The following APP variants were observed in gnomAD, a reference collection of about 807,000 sequenced individuals.
APP encodes amyloid beta precursor protein.
APP carries 31 observed loss-of-function variants against 101.4 expected under a neutral mutation model. That is an observed-to-expected ratio of 0.31 (90% confidence interval 0.23 to 0.41). The LOEUF (loss-of-function observed/expected upper bound fraction) is 0.41, where lower values mean the gene tolerates loss of function less well. Ranked by LOEUF, APP falls within the 10% of genes least tolerant of loss-of-function variation. The probability of loss-of-function intolerance (pLI) is 1.00; values close to 1 mark genes in which losing one functional copy is unlikely to be tolerated. For missense variants in APP, 839 were observed against 1,003.7 expected (o/e 0.84, Z 2.22); for synonymous variants, 366 against 364.4 (o/e 1.00, Z -0.05).
chr21:26,099,183 C>T (rs1031517751), intron 2 of APP, among the ~76,000 whole-genome samples: 2 of 151,002 alleles, frequency 1.3e-5, no homozygotes, highest in Non-Finnish European at 2.9e-5. Context: ...AAAAAAAAAC[C>T]CAGATCCAAA....
At chr21:25,937,351 T>G (rs1160433704) in intron 13 of APP, among the ~76,000 whole-genome samples, 3 of 152,240 alleles carry the variant, frequency 2.0e-5, no homozygotes, top group Non-Finnish European at 4.4e-5. Context: ...TTCTCAGGAT[T>G]CGCACCTGGA....
At chr21:25,941,413 A>G (rs1469163560) in intron 13 of APP, 2 of 152,272 alleles carry the variant, frequency 1.3e-5, no homozygotes, top group African/African-American at 2.4e-5. Context: ...TAAGAAAAAA[A>G]TACGCAAAAT....
In APP at chr21:26,105,626, A is replaced by G. The variant is rs145952271; in HGVS notation, c.225+6353T>C. On this transcript the variant is annotated intron_variant, in intron 2 of 17. Transcript: ENST00000346798. ...TTTCTAATTATAAAAGAAAAACACC[A>G]GAATAGCTACAATGTGGAAAGTGGC... Among the ~76,000 whole-genome samples the G allele has an allele frequency of 6.0e-3, 913 of 152,366 alleles. 5 individuals carry two copies. Among genetic ancestry groups the G allele is most frequent in the Non-Finnish European group, 0.01 (695 of 68,040 alleles).
intron 1 of APP, among the ~76,000 whole-genome samples, chr21:26,125,710 C>T (rs1163550442): frequency 6.6e-6 from 1 of 152,180 alleles, no homozygotes; most frequent in Admixed American, 6.5e-5. Flanking sequence ...ACAATCACTA[C>T]CTCCCTGATT....
chr21:25,980,286 G>A (rs545698471), intron 9 of APP, among the ~76,000 whole-genome samples: 5 of 152,264 alleles, frequency 3.3e-5, no homozygotes, highest in African/African-American at 4.8e-5. Context: ...CTTTTTTTAC[G>A]ACTTCATGTG....
In APP at chr21:26,119,299, T is replaced by C. The variant is rs370185434; in HGVS notation, c.58-7153A>G. Among the ~76,000 whole-genome samples the C allele has an allele frequency of 2.6e-4, 39 of 152,336 alleles. No individual in the cohort carries two copies. In the East Asian group the frequency reaches 6.7e-3, roughly 26 times the overall value. ...TTTGCATGTCTTTGTTACTGGCTTT[T>C]AAAAAAATTACTTTTAGAGCAAGTA... On this transcript the variant is annotated intron_variant, in intron 1 of 17. Coordinates refer to ENST00000346798, the MANE Select transcript of APP (RefSeq NM_000484.4).
At chr21:26,109,049 G>C (rs1192253720) in intron 2 of APP, among the ~76,000 whole-genome samples, 1 of 152,192 alleles carries the variant, frequency 6.6e-6, no homozygotes, top group African/African-American at 2.4e-5. Context: ...TCTGGCTGGT[G>C]TGTATCATCC....
chr21:26,043,183 T>A (rs1349299856), intron 5 of APP, among the ~76,000 whole-genome samples: 1 of 152,186 alleles, frequency 6.6e-6, no homozygotes, highest in Non-Finnish European at 1.5e-5. Context: ...CCTGATGCAA[T>A]TTTACTTAAT....
chr21:25,992,329 A>C (rs572272087), intron 8 of APP, among the ~76,000 whole-genome samples: 1 of 151,922 alleles, frequency 6.6e-6, no homozygotes, highest in Non-Finnish European at 1.5e-5. Flanking sequence ...CAGAGGTTGC[A>C]GTGAGCCGAG....
chr21:26,072,650 C>CA (rs374295347), intron 3 of APP, among the ~76,000 whole-genome samples: 68 of 148,688 alleles, frequency 4.6e-4, no homozygotes, highest in Middle Eastern at 3.4e-3. Context: ...AAAGCAAAAG[C>CA]AAAAAAAAAG....
intron 1 of APP, among the ~76,000 whole-genome samples, chr21:26,144,950 G>A (rs1276970342): frequency 1.3e-5 from 2 of 152,162 alleles, no homozygotes; most frequent in East Asian, 3.8e-4. Context: ...CATGAAAATA[G>A]ATGAAATTCA....
chr21:26,123,473 C>A (rs1462585425), intron 1 of APP, among the ~76,000 whole-genome samples: 2 of 152,170 alleles, frequency 1.3e-5, no homozygotes, highest in Non-Finnish European at 2.9e-5. Flanking sequence ...AAAGAATACT[C>A]CAGGTTTAAA....
intron 15 of APP, chr21:25,897,932 G>A (rs2038187736): frequency 2.1e-6 from 1 of 483,522 alleles, no homozygotes. Context: ...TATAATTTTT[G>A]AAAATGGGGG....
At chr21:26,069,876 A>G (rs928561924) in intron 3 of APP, among the ~76,000 whole-genome samples, 1 of 152,254 alleles carries the variant, frequency 6.6e-6, no homozygotes, top group African/African-American at 2.4e-5. Context: ...AAAAGATGTC[A>G]CTGCATTTAA....
At chr21:26,029,745 C>CTGTGA (rs1164897435) in intron 5 of APP, among the ~76,000 whole-genome samples, 2 of 152,086 alleles carry the variant, frequency 1.3e-5, no homozygotes, top group Non-Finnish European at 2.9e-5. Context: ...CTTGTACATC[C>CTGTGA]TGTGAGCTAA....
chr21:26,151,147 T>C (rs2063261104), intron 1 of APP, among the ~76,000 whole-genome samples: 1 of 152,202 alleles, frequency 6.6e-6, no homozygotes. Flanking sequence ...TTTGGAAACT[T>C]GACAGAATTA....
intron 13 of APP, among the ~76,000 whole-genome samples, chr21:25,916,788 G>A (rs933895844): frequency 3.9e-5 from 6 of 152,030 alleles, no homozygotes; most frequent in African/African-American, 1.5e-4. Context: ...AAATTGTAGC[G>A]TTTATCTTTG....
intron 6 of APP, among the ~76,000 whole-genome samples, chr21:26,006,348 A>C (rs1447958036): frequency 6.6e-6 from 1 of 152,178 alleles, no homozygotes; most frequent in Non-Finnish European, 1.5e-5. Flanking sequence ...CTTTTGTAAC[A>C]ACTCTGCTCA....
chr21:26,152,953 T>C (rs1400673314), intron 1 of APP, among the ~76,000 whole-genome samples: 1 of 152,216 alleles, frequency 6.6e-6, no homozygotes, highest in Non-Finnish European at 1.5e-5. Flanking sequence ...CAGGGACTAC[T>C]ACTCAGCCAT....
Sources: gnomAD v4.1 joint callset for allele counts (sites outside exome capture counted in the v4.1 genomes callset) on GRCh38, gnomAD v4.1.1 for gene constraint, MANE v1.5 for transcripts, NCBI Gene and HGNC (gene_info 2026-07-23, HGNC 2026-07-21) for gene names.